Variants in PRDX4 observed in about 807,000 individuals in gnomAD.
PRDX4 encodes peroxiredoxin-4.
Under a neutral mutation model 20.5 loss-of-function variants are expected in PRDX4, and 12 were observed. That is an observed-to-expected ratio of 0.58 (90% confidence interval 0.37 to 0.95). PRDX4 has a LOEUF of 0.95. Among genes scored for constraint, PRDX4 ranks in the 40% least tolerant of loss-of-function variants. PRDX4 has a pLI of 0.01. For missense variants in PRDX4, 180 were observed against 207.3 expected (o/e 0.87, Z 0.81); for synonymous variants, 99 against 87.5 (o/e 1.13, Z -0.73).
At chrX:23,668,950 C>A (rs1185406184) in intron 1 of PRDX4, among the ~76,000 whole-genome samples, 1 of 108,475 alleles carries the variant, frequency 9.2e-6, no homozygotes, top group Non-Finnish European at 1.9e-5. Flanking sequence ...TGAAGTCTTG[C>A]TCTGTCACCC....
rs180918448 is a variant in PRDX4, at chrX:23,686,328, T to G, written c.809T>G (p.Leu270Arg). 5.1e-6 allele frequency: 6 copies of G among 1,170,548 alleles called. No individual in the cohort carries two copies. In the Admixed American group the frequency reaches 1.5e-4, roughly 29 times the overall value. The stretch of plus-strand genomic sequence containing the variant: ...GGAAAGCTGAAGTATTTCGATAAAC[T>G]GAATTGAGAAATACTTCTTCAAGTT... ...PAGKLKYFDK[L>R]N The change falls in exon 7 of 7, where the codon CTG becomes CGG. Residue 270 changes from leucine (L) to arginine (R), a missense_variant. This residue lies in a region of PRDX4 where 73 missense variants were observed against 76.5 expected (regional missense o/e 0.95). Coordinates refer to ENST00000379341, the MANE Select transcript of PRDX4 (RefSeq NM_006406.2).
chrX:23,676,522 G>A (rs188058221), intron 3 of PRDX4, among the ~76,000 whole-genome samples: 220 of 110,579 alleles, frequency 2.0e-3, no homozygotes, highest in African/African-American at 6.6e-3. Flanking sequence ...CTGGCATGGT[G>A]GCTCACGCCT....
chrX:23,679,145 A>G lies in PRDX4; in HGVS notation c.477-20A>G, dbSNP rs1601792027. On this transcript the variant is annotated intron_variant, in intron 3 of 6. Transcript: ENST00000379341. ...TGCCGTTTACTTAGCTCTGAGAGGT[A>G]AGCGTTCTGTTTGTTACAGGATTAA... 8.3e-7 allele frequency: 1 copy of G among 1,201,306 alleles called. No homozygotes were observed. The highest frequency in any genetic ancestry group is 1.8e-5 in the African/African-American group (1 of 56,682).
intron 3 of PRDX4, among the ~76,000 whole-genome samples, chrX:23,676,136 C>CAAAAAAAAAAAAAAAAAAAAAAAAAA (rs55792240): frequency 1.8e-5 from 1 of 54,999 alleles, no homozygotes; most frequent in Non-Finnish European, 3.3e-5. Flanking sequence ...AACTCCATCT[C>CAAAAAAAAAAAAAAAAAAAAAAAAAA]AAAAAAAAAA....
At chrX:23,683,347 T>C (rs1928124181) in intron 5 of PRDX4, among the ~76,000 whole-genome samples, 1 of 111,918 alleles carries the variant, frequency 8.9e-6, no homozygotes, top group African/African-American at 3.2e-5. Flanking sequence ...GGAGGAATTT[T>C]TGCCATGCCC....
intron 2 of PRDX4, among the ~76,000 whole-genome samples, chrX:23,674,550 A>G (rs1171928670): frequency 9.1e-6 from 1 of 110,394 alleles, no homozygotes; most frequent in Non-Finnish European, 1.9e-5. Flanking sequence ...CTCCTCTCCA[A>G]AATACACATA....
At chrX:23,671,817 C>G (rs1276569524) in intron 2 of PRDX4, among the ~76,000 whole-genome samples, 171 bp downstream of exon 2, 2 of 111,689 alleles carry the variant, frequency 1.8e-5, no homozygotes, top group South Asian at 7.4e-4. Flanking sequence ...CATAACACAC[C>G]GACCTCAATA....
intron 5 of PRDX4, among the ~76,000 whole-genome samples, chrX:23,682,853 A>AAAATATATATATATATAT (rs1555933130): frequency 2.7e-4 from 4 of 14,879 alleles, no homozygotes; most frequent in Non-Finnish European, 3.8e-4. Context: ...AAAAAAAAAA[A>AAAATATATATATATATAT]ATATATATAT....
intron 2 of PRDX4, among the ~76,000 whole-genome samples, chrX:23,673,558 G>T (rs1420538239): frequency 1.8e-5 from 2 of 111,841 alleles, no homozygotes; most frequent in East Asian, 5.6e-4. Context: ...TTCTAGACCA[G>T]CCTGGCCAAC....
intron 1 of PRDX4, among the ~76,000 whole-genome samples, chrX:23,670,517 A>G (rs933684138): frequency 1.8e-5 from 2 of 111,889 alleles, no homozygotes; most frequent in African/African-American, 6.5e-5. Flanking sequence ...TGTTACAGAG[A>G]AGTATAAGCC....
intron 3 of PRDX4, among the ~76,000 whole-genome samples, chrX:23,678,455 C>T (rs1354102538): frequency 9.1e-6 from 1 of 109,917 alleles, no homozygotes; most frequent in Non-Finnish European, 1.9e-5. Context: ...CATGGTAAAT[C>T]CCTGACTCTA....
Position 23,667,678 on chromosome X carries a change from G to C in PRDX4, c.108G>C (p.Gln36His). The change falls in exon 1 of 7, where the codon CAG (glutamine) becomes CAC (histidine). Residue 36 changes from glutamine to histidine, a missense_variant. Transcript: ENST00000379341. The part of the protein sequence containing the change: ...LLFLLPAGAV[Q>H]GWETEERPRT... ...TCCTGCTGCCGGCTGGAGCTGTGCA[G>C]GGCTGGGAGACAGAGGAGAGGCCCC... The C allele has an allele frequency of 8.3e-7, 1 of 1,210,866 alleles. No homozygotes were observed. Among genetic ancestry groups the C allele is most frequent in the Non-Finnish European group, 1.1e-6 (1 of 895,001 alleles).
intron 6 of PRDX4, 82 bp from the exon 7 acceptor site, chrX:23,686,203 C>G: frequency 7.0e-6 from 5 of 717,521 alleles, no homozygotes; most frequent in Non-Finnish European, 1.0e-5. Context: ...TTAGTCAAGG[C>G]ATGGGCAACT....
intron 5 of PRDX4, 83 bp downstream of exon 5, chrX:23,682,609 T>A (rs1286908800): frequency 8.8e-6 from 7 of 798,700 alleles, no homozygotes; most frequent in Middle Eastern, 3.4e-4. Context: ...AAGTAATCGA[T>A]ATTTCCAAAG....
At chrX:23,685,229 C>T (rs1418241509) in intron 6 of PRDX4, among the ~76,000 whole-genome samples, 1 of 111,963 alleles carries the variant, frequency 8.9e-6, no homozygotes, top group Non-Finnish European at 1.9e-5. Flanking sequence ...ACTTGGACAC[C>T]TAGCACATGC....
intron 4 of PRDX4, among the ~76,000 whole-genome samples, chrX:23,681,894 AGCTGG>A (rs749055104): frequency 6.7e-4 from 74 of 111,099 alleles, no homozygotes; most frequent in Non-Finnish European, 1.3e-3. Flanking sequence ...TACAAAAATT[AGCTGG>A]GCGTGGTGGC....
At chrX:23,672,349 CTT>C (rs955691580) in intron 2 of PRDX4, among the ~76,000 whole-genome samples, 3 of 112,120 alleles carry the variant, frequency 2.7e-5, no homozygotes, top group African/African-American at 6.5e-5. Flanking sequence ...GCATCTGTTG[CTT>C]TTCTGGGATT....
chrX:23,669,054 T>C (rs1407934099), intron 1 of PRDX4, among the ~76,000 whole-genome samples: 3 of 110,591 alleles, frequency 2.7e-5, no homozygotes, highest in African/African-American at 9.9e-5. Context: ...GCCTCCCAGG[T>C]AGCTGGGACT....
intron 2 of PRDX4, among the ~76,000 whole-genome samples, chrX:23,673,310 G>A (rs775522325): frequency 7.0e-4 from 79 of 112,450 alleles, no homozygotes; most frequent in Non-Finnish European, 1.1e-3. Context: ...GACTGTGCCT[G>A]GTTAGAGAAG....
Sources: allele counts gnomAD v4.1 joint callset (sites outside exome capture counted in the v4.1 genomes callset), GRCh38; gene constraint gnomAD v4.1.1; regional missense constraint gnomAD v4.1.1; transcripts MANE v1.5; gene names NCBI Gene and HGNC (gene_info 2026-07-23, HGNC 2026-07-21).